Variants in GPC5 observed in about 807,000 individuals in gnomAD.
GPC5 encodes glypican 5.
A neutral mutation model predicts 53.9 loss-of-function variants in GPC5; 47 were observed. The observed-to-expected ratio is 0.87, with a 90% CI of 0.69 to 1.11. The LOEUF is 1.11. Ranked by LOEUF, GPC5 falls within the 50% of genes most tolerant of loss-of-function variation. The pLI is 0.00. For synonymous variants in GPC5, 286 were observed against 263.3 expected, an observed-to-expected ratio of 1.09 and a Z score of -0.84; for missense variants, 748 against 713.1, an observed-to-expected ratio of 1.05 and a Z score of -0.56.
rs566263910 is a variant in GPC5, at chr13:92,624,259, G to A, written c.1562-242023G>A. Among the ~76,000 whole-genome samples, 25 of 152,064 alleles carry A rather than the reference G, an allele frequency of 1.6e-4. No individual in the cohort carries two copies. In the South Asian group the frequency reaches 2.7e-3, roughly 16 times the overall value. ...TAATTTTTGTATTTTTATTAGAGAC[G>A]GGGTTTTGCCCTGTTGGCCAGGCTG... On this transcript the variant is annotated intron_variant, in intron 7 of 7. Transcript: ENST00000377067.
chr13:91,771,273 A>G (rs568564772), intron 5 of GPC5, among the ~76,000 whole-genome samples: 30 of 152,282 alleles, frequency 2.0e-4, no homozygotes, highest in African/African-American at 7.2e-4. Flanking sequence ...CTATTTTTTC[A>G]CTTATATTTG....
intron 2 of GPC5, among the ~76,000 whole-genome samples, chr13:91,510,234 A>G (rs931645622): frequency 6.6e-6 from 1 of 152,152 alleles, no homozygotes; most frequent in Admixed American, 6.5e-5. Context: ...GCAATCATTT[A>G]TATTGTGTGT....
At chr13:91,810,739 T>A (rs963971317) in intron 5 of GPC5, among the ~76,000 whole-genome samples, 2 of 151,922 alleles carry the variant, frequency 1.3e-5, no homozygotes, top group Non-Finnish European at 2.9e-5. Flanking sequence ...ATATTTTAAA[T>A]CATTACTTTA....
At chr13:91,860,396 G>T (rs1298413608) in intron 5 of GPC5, among the ~76,000 whole-genome samples, 1 of 151,584 alleles carries the variant, frequency 6.6e-6, no homozygotes, top group East Asian at 1.9e-4. Context: ...TGAAGGACAG[G>T]ATTTCCTTCT....
chr13:92,195,932 A>G (rs927904417), intron 7 of GPC5, among the ~76,000 whole-genome samples: 4 of 152,176 alleles, frequency 2.6e-5, no homozygotes, highest in East Asian at 3.9e-4. Context: ...AAGAGTGAAT[A>G]GGGGTTTAAG....
chr13:92,428,317 T>G (rs1311683915), intron 7 of GPC5, among the ~76,000 whole-genome samples: 1 of 152,090 alleles, frequency 6.6e-6, no homozygotes, highest in Non-Finnish European at 1.5e-5. Flanking sequence ...ATCATTCAAA[T>G]TGAATTATCT....
chr13:91,472,625 A>G (rs934268820), intron 2 of GPC5, among the ~76,000 whole-genome samples: 8 of 152,218 alleles, frequency 5.3e-5, no homozygotes, highest in Admixed American at 1.3e-4. Context: ...TTGCCAATAC[A>G]TATGTTATTT....
At chr13:91,694,801 G>A (rs933704578) in intron 3 of GPC5, among the ~76,000 whole-genome samples, 5 of 152,202 alleles carry the variant, frequency 3.3e-5, no homozygotes, top group Non-Finnish European at 7.3e-5. Context: ...AGTAGAGGGA[G>A]TTTCTCCATG....
intron 7 of GPC5, among the ~76,000 whole-genome samples, chr13:92,532,184 G>C (rs552147090): frequency 6.6e-6 from 1 of 152,110 alleles, no homozygotes; most frequent in Non-Finnish European, 1.5e-5. Context: ...TGACACAAAT[G>C]ACAATTTCTT....
At chr13:92,546,787 C>G (rs1220456050) in intron 7 of GPC5, among the ~76,000 whole-genome samples, 1 of 152,100 alleles carries the variant, frequency 6.6e-6, no homozygotes, top group Admixed American at 6.5e-5. Flanking sequence ...GCTACAGTAA[C>G]CAAAACAGCA....
In GPC5 at chr13:92,264,898, G is replaced by C. The variant is rs919604971; in HGVS notation, c.1561+119909G>C. ...TCTCTCTGTGTGTGTGTGTGTGTGT[G>C]TGTGTGTGTGTGTGTGTGTGTGTGT... On this transcript the variant is annotated intron_variant, in intron 7 of 7. Transcript: ENST00000377067. Among the ~76,000 whole-genome samples the C allele has an allele frequency of 1.1e-3, 167 of 149,188 alleles. 2 individuals carry two copies. The highest frequency in any genetic ancestry group is 4.0e-3 in the African/African-American group (160 of 40,044).
chr13:92,006,940 G>A (rs2040612341), intron 6 of GPC5, among the ~76,000 whole-genome samples: 1 of 149,512 alleles, frequency 6.7e-6, no homozygotes. Flanking sequence ...ACATAGTTGT[G>A]GATGTTATGA....
chr13:92,330,515 G>T (rs2043281357), intron 7 of GPC5, among the ~76,000 whole-genome samples: 1 of 152,072 alleles, frequency 6.6e-6, no homozygotes, highest in African/African-American at 2.4e-5. Flanking sequence ...GGTTCACTGT[G>T]TGGAAATTGC....
intron 7 of GPC5, among the ~76,000 whole-genome samples, chr13:92,456,946 T>A (rs2139404830): frequency 1.3e-5 from 2 of 152,156 alleles, no homozygotes; most frequent in Middle Eastern, 6.8e-3. Context: ...ATGATTCCAT[T>A]CCAGGTACTA....
rs71200562 is a variant in GPC5, at chr13:92,094,520, C to CAA, written c.1402-50286_1402-50285dup. On this transcript the variant is annotated intron_variant, in intron 6 of 7. Coordinates refer to ENST00000377067, the MANE Select transcript of GPC5 (RefSeq NM_004466.6). Reference sequence around the variant, plus strand: ...TGGGCGAAAGAGCAAGACTCCGTCTCAAAAAAAAAAAAAAAAAAAAAAAAA... The same window carrying CAA: ...TGGGCGAAAGAGCAAGACTCCGTCTCAAAAAAAAAAAAAAAAAAAAAAAAAAA... Among the ~76,000 whole-genome samples, 542 of 67,740 alleles carry CAA rather than the reference C, an allele frequency of 8.0e-3. 6 individuals are homozygous for CAA. The highest frequency in any genetic ancestry group is 0.021 in the African/African-American group (340 of 16,442). The allele number at this position is 67,740 out of a possible 152,430, so 44.4% of individuals were successfully genotyped here. A position where few individuals can be genotyped will look rare whatever the true frequency, so the allele number is the denominator to read the frequency against.
At chr13:92,801,149 T>G (rs1876889890) in intron 7 of GPC5, among the ~76,000 whole-genome samples, 1 of 151,518 alleles carries the variant, frequency 6.6e-6, no homozygotes, top group African/African-American at 2.4e-5. Flanking sequence ...GTGTATAATA[T>G]TGTTATGCAA....
intron 7 of GPC5, among the ~76,000 whole-genome samples, chr13:92,204,240 A>G (rs2042316322): frequency 6.6e-6 from 1 of 152,220 alleles, no homozygotes; most frequent in Non-Finnish European, 1.5e-5. Context: ...TAAATCTATA[A>G]GTAATTGTAC....
intron 7 of GPC5, among the ~76,000 whole-genome samples, chr13:92,271,483 T>C (rs1030935765): frequency 6.6e-6 from 1 of 152,228 alleles, no homozygotes; most frequent in Non-Finnish European, 1.5e-5. Flanking sequence ...AGGTATAAAG[T>C]TAGCTGCTAA....
intron 2 of GPC5, among the ~76,000 whole-genome samples, chr13:91,646,325 A>AT (rs140778877): frequency 0.074 from 11,272 of 151,966 alleles, 1,405 homozygotes; most frequent in African/African-American, 0.26. Flanking sequence ...GAAAATATAT[A>AT]TTTTTTTAAC....
Sources: gnomAD v4.1 joint callset for allele counts (sites outside exome capture counted in the v4.1 genomes callset) on GRCh38, gnomAD v4.1.1 for gene constraint, MANE v1.5 for transcripts, NCBI Gene and HGNC (gene_info 2026-07-23, HGNC 2026-07-21) for gene names.